The following PKP4 variants were observed in gnomAD, a reference collection of about 807,000 sequenced individuals.
PKP4 encodes plakophilin 4, also known as plakophilin-4.
A neutral mutation model predicts 145.1 loss-of-function variants in PKP4; 90 were observed. The observed-to-expected ratio is 0.62, with a 90% CI of 0.52 to 0.74. The LOEUF is 0.74. PKP4 is among the 30% of genes least tolerant of loss of function. PKP4 has a pLI of 0.00. For missense variants in PKP4, 1,340 were observed against 1,482.7 expected (o/e 0.90, Z 1.58); for synonymous variants, 563 against 577.2 (o/e 0.98, Z 0.35).
intron 1 of PKP4, among the ~76,000 whole-genome samples, chr2:158,470,051 A>T (rs1180637396): frequency 6.6e-6 from 1 of 152,178 alleles, no homozygotes; most frequent in Non-Finnish European, 1.5e-5. Context: ...CTCTGCTTTG[A>T]ACACTTGTCA....
rs151244228 is a variant in PKP4 at position 158,600,697 on chromosome 2, T to C, written c.246-2373T>C. Among the ~76,000 whole-genome samples the C allele has an allele frequency of 2.2e-4, 33 of 152,314 alleles. No homozygotes were observed. In the East Asian group the frequency reaches 6.2e-3, roughly 29 times the overall value. ...AGAAAATAGGCTGTTATGAATAACA[T>C]GTAATGACCAGTTATTTCTCAGAAT... is the stretch of plus-strand genomic sequence containing the variant. On this transcript the variant is annotated intron_variant, in intron 3 of 21. Coordinates refer to ENST00000389759, the MANE Select transcript of PKP4 (RefSeq NM_003628.6).
At chr2:158,652,055 T>A (rs766883887) in intron 11 of PKP4, among the ~76,000 whole-genome samples, 1 of 152,218 alleles carries the variant, frequency 6.6e-6, no homozygotes, top group African/African-American at 2.4e-5. Context: ...GAGAATAATA[T>A]GAGCTGCATA....
In PKP4 at chr2:158,680,717, T is replaced by G; in HGVS notation, c.*40T>G. Reference sequence around the variant, plus strand: ...ACAGAGGAACTCTTTCTTTCTAACCTTGTTCAGATTGAGGTGAAAAGTCCA... The same window carrying G: ...ACAGAGGAACTCTTTCTTTCTAACCGTGTTCAGATTGAGGTGAAAAGTCCA... On this transcript the variant is annotated 3_prime_UTR_variant, in exon 22 of 22. Transcript: ENST00000389759. The G allele has an allele frequency of 6.6e-7, 1 of 1,526,316 alleles. No individual in the cohort carries two copies. Among genetic ancestry groups the G allele is most frequent in the East Asian group, 2.3e-5 (1 of 43,756 alleles). 94.5% of individuals were successfully genotyped at this position (1,526,316 alleles called of 1,614,324 possible).
Position 158,533,370 on chromosome 2 carries a change from A to G in PKP4, c.132+54A>G. 3 of 1,593,274 alleles carry G rather than the reference A, an allele frequency of 1.9e-6. No homozygotes were observed. In the South Asian group the frequency reaches 3.3e-5, roughly 18 times the overall value. The stretch of plus-strand genomic sequence containing the variant: ...AATTATTTCTTTAATGCCTTTAAAA[A>G]ATTAATCTTTGGATATGTTTTAAAT... On this transcript the variant is annotated intron_variant, in intron 2 of 21. Coordinates refer to ENST00000389759, the MANE Select transcript of PKP4 (RefSeq NM_003628.6).
intron 3 of PKP4, among the ~76,000 whole-genome samples, chr2:158,582,820 T>C (rs1423984483): frequency 2.6e-5 from 4 of 152,206 alleles, no homozygotes; most frequent in African/African-American, 9.6e-5. Flanking sequence ...CGGGGCCAAG[T>C]CTGACACTAC....
Position 158,658,291 on chromosome 2 carries a change from G to T in PKP4, c.2070G>T (p.Leu690=). ...HKIKFQTSLV[L]RNTTGCLRNL... ...TTAAATTTCAGACTTCACTAGTTCTGCGTAACACGACAGGTTGCCTAAGGT... is the reference window on the plus strand; with the variant it reads ...TTAAATTTCAGACTTCACTAGTTCTTCGTAACACGACAGGTTGCCTAAGGT... The change falls in exon 12 of 22, where the codon CTG becomes CTT. Residue 690 remains leucine (L), a synonymous_variant. Transcript: ENST00000389759. The T allele has an allele frequency of 6.2e-7, 1 of 1,601,272 alleles. No individual in the cohort carries two copies. The highest frequency in any genetic ancestry group is 8.5e-7 in the Non-Finnish European group (1 of 1,172,614).
At chr2:158,519,054 C>G (rs929705716) in intron 1 of PKP4, among the ~76,000 whole-genome samples, 1 of 151,502 alleles carries the variant, frequency 6.6e-6, no homozygotes, top group Non-Finnish European at 1.5e-5. Context: ...TCTTTTTTCT[C>G]TTTTCCAAGA....
chr2:158,512,798 C>T (rs1184005715), intron 1 of PKP4, among the ~76,000 whole-genome samples: 1 of 152,206 alleles, frequency 6.6e-6, no homozygotes. Context: ...AGCCTGTCCT[C>T]AGTTTTACAG....
intron 1 of PKP4, among the ~76,000 whole-genome samples, chr2:158,491,082 C>T (rs1224999427): frequency 6.6e-6 from 1 of 151,862 alleles, no homozygotes; most frequent in Non-Finnish European, 1.5e-5. Context: ...GATATGTGTC[C>T]CTGGGTGGTG....
intron 21 of PKP4, among the ~76,000 whole-genome samples, chr2:158,679,822 T>A (rs2058313860): frequency 1.3e-5 from 2 of 152,248 alleles, no homozygotes; most frequent in African/African-American, 4.8e-5. Flanking sequence ...TTACTATTCT[T>A]CTGCCTTGAG....
At chr2:158,512,714 T>C (rs1391050438) in intron 1 of PKP4, among the ~76,000 whole-genome samples, 1 of 152,220 alleles carries the variant, frequency 6.6e-6, no homozygotes, top group African/African-American at 2.4e-5. Context: ...TTATTGTCTG[T>C]GGAGAACAAC....
At position 158,640,771 on chromosome 2, in the gene PKP4, G is replaced by C. The variant is rs768739222; in HGVS notation, c.1695+12G>C. 6.2e-7 allele frequency: 1 copy of C among 1,613,686 alleles called. No homozygotes were observed. Among genetic ancestry groups the C allele is most frequent in the Non-Finnish European group, 8.5e-7 (1 of 1,179,774 alleles). On this transcript the variant is annotated intron_variant, in intron 10 of 21. Transcript: ENST00000389759. ...AAGTGAAGATGGAGGTACAGGACAT[G>C]GTGCCTGGGATGACTGGGGAAAATA...
chr2:158,668,755 T>C (rs952995571), intron 16 of PKP4, among the ~76,000 whole-genome samples: 4 of 152,226 alleles, frequency 2.6e-5, no homozygotes, highest in Admixed American at 2.6e-4. Flanking sequence ...GAGCCTTCCC[T>C]CTGACGTGCT....
At chr2:158,639,038 C>G (rs1307631579) in intron 9 of PKP4, among the ~76,000 whole-genome samples, 1 of 152,190 alleles carries the variant, frequency 6.6e-6, no homozygotes, top group East Asian at 1.9e-4. Context: ...TCACTAACCT[C>G]TATCACTAAT....
At chr2:158,467,261 C>A (rs1053175812) in intron 1 of PKP4, among the ~76,000 whole-genome samples, 1 of 152,094 alleles carries the variant, frequency 6.6e-6, no homozygotes, top group Non-Finnish European at 1.5e-5. Flanking sequence ...AACTATATTA[C>A]AATGTCACAA....
In PKP4 at chr2:158,680,889, ATTAC is replaced by A. The variant is rs1003672767; in HGVS notation, c.*216_*219del. 1.8e-5 allele frequency: 9 copies of A among 513,420 alleles called. No individual in the cohort carries two copies. The highest frequency in any genetic ancestry group is 1.7e-4 in the African/African-American group (9 of 52,202). The allele number at this position is 513,420 out of a possible 1,614,324, so 31.8% of individuals were successfully genotyped here. ...AAGCTCTATTTAGGTGTTAGATCTA[ATTAC>A]TTATAGATTCTGTAGTCTGGTGAAG... On this transcript the variant is annotated 3_prime_UTR_variant, in exon 22 of 22. Transcript: ENST00000389759.
chr2:158,676,821 G>A lies in PKP4; in HGVS notation c.3210G>A (p.Gln1070=), dbSNP rs1361479180. 10 of 1,614,066 alleles carry A rather than the reference G, an allele frequency of 6.2e-6. No homozygotes were observed. Among genetic ancestry groups the A allele is most frequent in the Non-Finnish European group, 8.5e-6 (10 of 1,180,018 alleles). The change falls in exon 20 of 22, where the codon CAG becomes CAA. Residue 1070 remains glutamine, a synonymous_variant. Transcript: ENST00000389759. ...ACGATAGGACCCAGCCACCTATGCA[G>A]TATTACAATAGCCAAGGGGATGCCA... ...SEYDRTQPPM[Q]YYNSQGDATH...
intron 1 of PKP4, among the ~76,000 whole-genome samples, chr2:158,528,269 A>G (rs1458879056): frequency 6.0e-5 from 9 of 150,218 alleles, no homozygotes. Flanking sequence ...TGGATTAAGA[A>G]AACGTGGCAC....
chr2:158,578,696 A>G (rs1427480215), intron 3 of PKP4, among the ~76,000 whole-genome samples: 1 of 152,222 alleles, frequency 6.6e-6, no homozygotes, highest in Non-Finnish European at 1.5e-5. Flanking sequence ...AAGTAATTCA[A>G]CATTTAACAG....
Sources: allele counts gnomAD v4.1 joint callset (sites outside exome capture counted in the v4.1 genomes callset), GRCh38; gene constraint gnomAD v4.1.1; transcripts MANE v1.5; gene names NCBI Gene and HGNC (gene_info 2026-07-23, HGNC 2026-07-21).